Variants in RIMS1 observed in about 807,000 individuals in gnomAD.
The protein encoded by RIMS1 is regulating synaptic membrane exocytosis 1.
In RIMS1, 83 loss-of-function variants were observed where a neutral mutation model predicts 214.1. The observed-to-expected ratio is 0.39, with a 90% CI of 0.32 to 0.47. RIMS1 has a LOEUF of 0.47. Ranked by LOEUF, RIMS1 falls within the 20% of genes least tolerant of loss-of-function variation. The pLI, the probability that RIMS1 is intolerant of heterozygous loss-of-function variation, is 0.99. For synonymous variants in RIMS1, 793 were observed against 786.8 expected (o/e 1.01, Z -0.13); for missense variants, 2,050 against 2,161.8 (o/e 0.95, Z 1.03).
At chr6:72,217,348 CAGT>C in intron 6 of RIMS1, 2 of 1,021,906 alleles carry the variant, frequency 2.0e-6, no homozygotes, top group South Asian at 3.3e-5. Flanking sequence ...TAGATTCTAT[CAGT>C]AGAGAATAAG....
intron 29 of RIMS1, among the ~76,000 whole-genome samples, chr6:72,374,992 C>T (rs950893167): frequency 5.3e-5 from 8 of 152,132 alleles, no homozygotes; most frequent in Non-Finnish European, 5.9e-5. Flanking sequence ...GAGAATCTAA[C>T]GCTGCCTCTG....
At chr6:72,117,412 A>G (rs746825349) in intron 4 of RIMS1, among the ~76,000 whole-genome samples, 15 of 151,712 alleles carry the variant, frequency 9.9e-5, no homozygotes, top group Non-Finnish European at 2.2e-4. Context: ...GTTTAAGTCT[A>G]TTGTTTCTTT....
chr6:72,103,233 A>G (rs2034014907), intron 4 of RIMS1, among the ~76,000 whole-genome samples: 1 of 152,132 alleles, frequency 6.6e-6, no homozygotes, highest in Non-Finnish European at 1.5e-5. Context: ...AAATTGCAGA[A>G]ACTTTTATGG....
chr6:72,261,662 G>A (rs773052574), intron 19 of RIMS1: 12 of 984,916 alleles, frequency 1.2e-5, no homozygotes, highest in Non-Finnish European at 1.4e-5. Flanking sequence ...AAAGAAAGAG[G>A]TATTACCGCA....
intron 6 of RIMS1, among the ~76,000 whole-genome samples, chr6:72,218,189 A>G (rs1392856132): frequency 6.7e-6 from 1 of 150,182 alleles, no homozygotes; most frequent in Non-Finnish European, 1.5e-5. Context: ...AAGGGCACCT[A>G]CTATTAAGAC....
chr6:71,931,117 A>G (rs1782903406), intron 1 of RIMS1, among the ~76,000 whole-genome samples: 1 of 152,072 alleles, frequency 6.6e-6, no homozygotes, highest in Non-Finnish European at 1.5e-5. Context: ...AAGGAACTTA[A>G]TGCTTTCCAG....
chr6:71,927,816 T>A (rs928370867), intron 1 of RIMS1, among the ~76,000 whole-genome samples: 9 of 152,134 alleles, frequency 5.9e-5, no homozygotes, highest in African/African-American at 2.2e-4. Flanking sequence ...AAATTTATAA[T>A]ATTTGAAAAA....
chr6:72,235,549 A>G (rs2063685039), intron 7 of RIMS1, 69 bp from the exon 8 acceptor site: 1 of 997,730 alleles, frequency 1.0e-6, no homozygotes, highest in Admixed American at 2.0e-5. Flanking sequence ...ACAAGACTTC[A>G]TTCTTTTTAT....
chr6:71,912,494 A>G (rs1276106140), intron 1 of RIMS1, among the ~76,000 whole-genome samples: 2 of 152,130 alleles, frequency 1.3e-5, no homozygotes, highest in Admixed American at 6.6e-5. Context: ...GTAATAGTTT[A>G]TAAAGCCTGA....
intron 28 of RIMS1, among the ~76,000 whole-genome samples, chr6:72,323,462 GTAATAGTGGGTT>G (rs2096277357): frequency 6.6e-6 from 1 of 151,798 alleles, no homozygotes; most frequent in Non-Finnish European, 1.5e-5. Context: ...TTAAAAAAAA[GTAATAGTGGGTT>G]TAATGACATA....
In RIMS1 at chr6:72,014,405, T is replaced by A. The variant is rs186826656; in HGVS notation, c.245+45342T>A. ...TATCATTTAGCATAATCTTTCAAGG[T>A]TCATCCTTGATGTTGCATGGAGCAT... On this transcript the variant is annotated intron_variant, in intron 2 of 33. Transcript: ENST00000521978. Among the ~76,000 whole-genome samples the A allele has an allele frequency of 2.9e-3, 435 of 152,360 alleles. 6 individuals are homozygous for A. Among genetic ancestry groups the A allele is most frequent in the African/African-American group, 9.8e-3 (407 of 41,590 alleles).
intron 2 of RIMS1, among the ~76,000 whole-genome samples, chr6:72,073,765 A>G (rs935753616): frequency 6.6e-6 from 1 of 152,124 alleles, no homozygotes; most frequent in African/African-American, 2.4e-5. Flanking sequence ...GCCTTTATCT[A>G]TGTAATTACT....
At chr6:72,068,917 A>G (rs1055621243) in intron 2 of RIMS1, among the ~76,000 whole-genome samples, 6 of 152,072 alleles carry the variant, frequency 3.9e-5, no homozygotes, top group Non-Finnish European at 5.9e-5. Context: ...TCTCAAAAAA[A>G]AAAAAAATTT....
chr6:72,386,631 A>G (rs1207243205), intron 29 of RIMS1, among the ~76,000 whole-genome samples: 1 of 151,788 alleles, frequency 6.6e-6, no homozygotes, highest in Non-Finnish European at 1.5e-5. Flanking sequence ...GCTCCTTTTC[A>G]AACAAAATAA....
chr6:72,151,642 T>A (rs1377108027), intron 4 of RIMS1, among the ~76,000 whole-genome samples: 1 of 152,196 alleles, frequency 6.6e-6, no homozygotes, highest in African/African-American at 2.4e-5. Context: ...ATTCTTTGTT[T>A]TTCTGTAACC....
chr6:72,033,108 C>T (rs977837942), intron 2 of RIMS1, among the ~76,000 whole-genome samples: 1 of 152,202 alleles, frequency 6.6e-6, no homozygotes, highest in African/African-American at 2.4e-5. Flanking sequence ...GCTTGCCTGA[C>T]CCTCCCGTTT....
chr6:72,200,710 A>T (rs976650183), intron 6 of RIMS1, among the ~76,000 whole-genome samples: 1 of 152,212 alleles, frequency 6.6e-6, no homozygotes, highest in East Asian at 1.9e-4. Flanking sequence ...AAAAGGAGAC[A>T]TATGACTTGG....
chr6:72,004,898 G>T lies in RIMS1; in HGVS notation c.245+35835G>T, dbSNP rs575387821. Among the ~76,000 whole-genome samples, 145 of 151,946 alleles carry T rather than the reference G, an allele frequency of 9.5e-4. 1 individual carries two copies. The highest frequency in any genetic ancestry group is 3.1e-3 in the African/African-American group (127 of 41,460). The stretch of plus-strand genomic sequence containing the variant: ...AATTAGATCCCATTTGTCAATTTTG[G>T]CTTTTGTTGTCATTGCTTTTGGTGT... On this transcript the variant is annotated intron_variant, in intron 2 of 33. Transcript: ENST00000521978.
chr6:71,983,921 G>A (rs1483817146), intron 2 of RIMS1, among the ~76,000 whole-genome samples: 1 of 152,144 alleles, frequency 6.6e-6, no homozygotes, highest in Non-Finnish European at 1.5e-5. Context: ...TGCCTATTAT[G>A]TGAAGCCTAA....
Sources: allele counts gnomAD v4.1 joint callset (sites outside exome capture counted in the v4.1 genomes callset), GRCh38; gene constraint gnomAD v4.1.1; transcripts MANE v1.5; gene names NCBI Gene and HGNC (gene_info 2026-07-23, HGNC 2026-07-21).